PAPSS2: variants seen among roughly 807,000 people sequenced by gnomAD.
PAPSS2 encodes bifunctional 3'-phosphoadenosine 5'-phosphosulfate synthase 2.
Under a neutral mutation model 66.5 loss-of-function variants are expected in PAPSS2, and 61 were observed. The observed-to-expected ratio is 0.92, with a 90% CI of 0.75 to 1.14. PAPSS2 has a LOEUF of 1.14. PAPSS2 is among the 50% of genes most tolerant of loss of function. PAPSS2 has a pLI of 0.00. For missense variants in PAPSS2, 708 were observed against 789.6 expected, an observed-to-expected ratio of 0.90 and a Z score of 1.24; for synonymous variants, 289 against 287.5, an observed-to-expected ratio of 1.01 and a Z score of -0.05.
At chr10:87,717,234 A>G (rs1462096848) in intron 7 of PAPSS2, among the ~76,000 whole-genome samples, 1 of 152,238 alleles carries the variant, frequency 6.6e-6, no homozygotes, top group African/African-American at 2.4e-5. Context: ...GCTAGCCATG[A>G]GCAAGAGGTT....
At chr10:87,689,646 A>G (rs1355063810) in intron 1 of PAPSS2, among the ~76,000 whole-genome samples, 7 of 148,236 alleles carry the variant, frequency 4.7e-5, no homozygotes, top group Non-Finnish European at 8.9e-5. Flanking sequence ...CAGCCTGGGC[A>G]ACAAGAGCGA....
chr10:87,684,561 T>A (rs1336385453), intron 1 of PAPSS2, among the ~76,000 whole-genome samples: 1 of 152,236 alleles, frequency 6.6e-6, no homozygotes. Context: ...CGTGGAACCG[T>A]ACAATGTGTA....
At chr10:87,691,286 ACATT>A (rs1281140591) in intron 1 of PAPSS2, among the ~76,000 whole-genome samples, 6 of 152,214 alleles carry the variant, frequency 3.9e-5, no homozygotes, top group Non-Finnish European at 8.8e-5. Flanking sequence ...AGTTTAAGAA[ACATT>A]CATTCAGTAA....
At chr10:87,663,722 A>G (rs779786146) in intron 1 of PAPSS2, among the ~76,000 whole-genome samples, 1 of 152,200 alleles carries the variant, frequency 6.6e-6, no homozygotes, top group Non-Finnish European at 1.5e-5. Flanking sequence ...AATGTGGGTA[A>G]TAATAACTTT....
At chr10:87,728,724 G>A (rs370239048) in intron 9 of PAPSS2, among the ~76,000 whole-genome samples, 84 of 141,722 alleles carry the variant, frequency 5.9e-4, no homozygotes, top group African/African-American at 2.1e-3. Context: ...GTGACAGAGC[G>A]AGACTCTGTC....
At chr10:87,676,986 G>C (rs1172770442) in intron 1 of PAPSS2, among the ~76,000 whole-genome samples, 1 of 150,304 alleles carries the variant, frequency 6.7e-6, no homozygotes, top group Non-Finnish European at 1.5e-5. Flanking sequence ...TTGAGGTCAG[G>C]AGTTCGAGAC....
At chr10:87,675,558 C>T (rs907704222) in intron 1 of PAPSS2, among the ~76,000 whole-genome samples, 1 of 152,148 alleles carries the variant, frequency 6.6e-6, no homozygotes, top group Non-Finnish European at 1.5e-5. Flanking sequence ...TAATTTCATG[C>T]TAATAGGTTG....
Position 87,729,956 on chromosome 10 carries a change from A to C in PAPSS2, c.1086+2467A>C, listed in dbSNP as rs566064455. Among the ~76,000 whole-genome samples the C allele has an allele frequency of 1.6e-4, 25 of 152,056 alleles. No individual in the cohort carries two copies. The East Asian group carries it at 4.2e-3, about 26-fold the overall frequency. On this transcript the variant is annotated intron_variant, in intron 9 of 12. Coordinates refer to ENST00000456849, the MANE Select transcript of PAPSS2 (RefSeq NM_001015880.2). ...GGTTGCACTGAGCCGAGGTAGCGCC[A>C]TTGCACTCCAGCCTGCAACAAGAGC...
chr10:87,695,787 G>A (rs1200124361), intron 1 of PAPSS2, among the ~76,000 whole-genome samples: 1 of 152,182 alleles, frequency 6.6e-6, no homozygotes, highest in Non-Finnish European at 1.5e-5. Context: ...AGCCCTCGTC[G>A]TCATTTTAAA....
At chr10:87,745,502 G>A (rs988872103) in intron 12 of PAPSS2, among the ~76,000 whole-genome samples, 12 of 152,210 alleles carry the variant, frequency 7.9e-5, no homozygotes, top group African/African-American at 2.7e-4. Flanking sequence ...GTGAAAGGAA[G>A]CAACATAGAA....
intron 7 of PAPSS2, among the ~76,000 whole-genome samples, chr10:87,717,085 G>A (rs1453061660): frequency 6.6e-6 from 1 of 152,124 alleles, no homozygotes; most frequent in Non-Finnish European, 1.5e-5. Flanking sequence ...TTACATACCA[G>A]TCTGCTCTCC....
chr10:87,715,368 T>C (rs536330303), intron 6 of PAPSS2, among the ~76,000 whole-genome samples: 1 of 152,322 alleles, frequency 6.6e-6, no homozygotes, highest in East Asian at 1.9e-4. Context: ...ATAGCTGTCA[T>C]TGTACCAGTA....
chr10:87,729,853 G>A (rs563397206), intron 9 of PAPSS2, among the ~76,000 whole-genome samples: 11 of 152,090 alleles, frequency 7.2e-5, no homozygotes, highest in African/African-American at 9.6e-5. Flanking sequence ...AAAATTAGCC[G>A]GGCATGGTGG....
At chr10:87,685,474 G>A (rs1853076555) in intron 1 of PAPSS2, among the ~76,000 whole-genome samples, 1 of 152,168 alleles carries the variant, frequency 6.6e-6, no homozygotes, top group Admixed American at 6.5e-5. Flanking sequence ...TTGAGCCTGG[G>A]AGTTTGAGAC....
intron 1 of PAPSS2, among the ~76,000 whole-genome samples, chr10:87,681,723 A>T (rs764344165): frequency 6.6e-6 from 1 of 152,164 alleles, no homozygotes; most frequent in Non-Finnish European, 1.5e-5. Context: ...CCAAGTTCCG[A>T]GAAGCTACCA....
rs573345536 is a variant in PAPSS2, at chr10:87,745,021, C to G, written c.1511C>G (p.Ser504Cys). The stretch of plus-strand genomic sequence containing the variant: ...TTCTAGGTCCAGTGGCACTGCAGGT[C>G]CCGGATGATTGCGGGTGCCAATTTC... The part of the protein sequence containing the change: ...GPTEVQWHCR[S>C]RMIAGANFYI... Residue 504 changes from serine to cysteine, a missense_variant, in exon 12 of 13, where the codon TCC becomes TGC. Transcript: ENST00000456849. 6.2e-7 allele frequency: 1 copy of G among 1,614,060 alleles called. No individual in the cohort carries two copies. Among genetic ancestry groups the G allele is most frequent in the Non-Finnish European group, 8.5e-7 (1 of 1,179,966 alleles).
At chr10:87,685,771 AG>A (rs1245366394) in intron 1 of PAPSS2, among the ~76,000 whole-genome samples, 3 of 152,184 alleles carry the variant, frequency 2.0e-5, no homozygotes, top group Non-Finnish European at 1.5e-5. Context: ...TTACATGAAA[AG>A]GAAAGATCAG....
intron 1 of PAPSS2, among the ~76,000 whole-genome samples, chr10:87,666,934 C>G (rs1385576820): frequency 6.6e-6 from 1 of 152,018 alleles, no homozygotes; most frequent in Non-Finnish European, 1.5e-5. Flanking sequence ...TTTCAGAGCC[C>G]CCAGGGCTAT....
At chr10:87,709,695 A>T (rs1853441525) in intron 2 of PAPSS2, among the ~76,000 whole-genome samples, 1 of 152,226 alleles carries the variant, frequency 6.6e-6, no homozygotes, top group Non-Finnish European at 1.5e-5. Context: ...GACATCAAGC[A>T]TTTGGCTGTC....
Sources: allele counts gnomAD v4.1 joint callset (sites outside exome capture counted in the v4.1 genomes callset), GRCh38; gene constraint gnomAD v4.1.1; transcripts MANE v1.5; gene names NCBI Gene and HGNC (gene_info 2026-07-23, HGNC 2026-07-21).